Variants in ATP2C2 observed in about 807,000 individuals in gnomAD.
ATP2C2 encodes ATPase secretory pathway Ca2+ transporting 2.
In ATP2C2, 171 loss-of-function variants were observed where a neutral mutation model predicts 110.8. That is an observed-to-expected ratio of 1.54 (90% CI 1.36 to 1.75). The LOEUF (loss-of-function observed/expected upper bound fraction) is 1.75, where lower values mean the gene tolerates loss of function less well. Ranked by LOEUF, ATP2C2 falls within the 40% of genes most tolerant of loss-of-function variation. The pLI is 0.00. For synonymous variants in ATP2C2, 804 were observed against 508.4 expected, an observed-to-expected ratio of 1.58 and a Z score of -7.82; for missense variants, 1,963 against 1,235.0, an observed-to-expected ratio of 1.59 and a Z score of -8.84.
chr16:84,451,190 G>C (rs550505017), intron 17 of ATP2C2, among the ~76,000 whole-genome samples: 1 of 152,076 alleles, frequency 6.6e-6, no homozygotes, highest in Non-Finnish European at 1.5e-5. Context: ...CAAGCCTAAG[G>C]GGAAACCCCT....
chr16:84,421,018 C>T (rs1907283567), intron 7 of ATP2C2, among the ~76,000 whole-genome samples: 1 of 152,108 alleles, frequency 6.6e-6, no homozygotes, highest in African/African-American at 2.4e-5. Context: ...GTTGGCCAGG[C>T]TGGTCTCGAA....
chr16:84,376,879 C>T lies in ATP2C2; in HGVS notation c.99+8165C>T, dbSNP rs551468181. Among the ~76,000 whole-genome samples the T allele has an allele frequency of 1.1e-4, 16 of 152,336 alleles. No homozygotes were observed. The South Asian group carries it at 3.3e-3, about 32-fold the overall frequency. On this transcript the variant is annotated intron_variant, in intron 1 of 26. Coordinates refer to ENST00000262429, the MANE Select transcript of ATP2C2 (RefSeq NM_014861.4). ...CTGTGCAATTGCACTGGCCTCATGC[C>T]AGTGAGGCTGGCCCTGCTGAAGGGT...
chr16:84,429,156 GT>G (rs1908044578), intron 11 of ATP2C2, among the ~76,000 whole-genome samples: 1 of 151,840 alleles, frequency 6.6e-6, no homozygotes, highest in South Asian at 2.1e-4. Flanking sequence ...TTGTTTGTTT[GT>G]TTGTTTGTTT....
Position 84,368,788 on chromosome 16 carries a change from G to A in ATP2C2, c.99+74G>A, listed in dbSNP as rs1021181817. 3.2e-6 allele frequency: 4 copies of A among 1,258,850 alleles called. No homozygotes were observed. In the African/African-American group the frequency reaches 4.9e-5, roughly 15 times the overall value. The allele number at this position is 1,258,850 out of a possible 1,614,324, so 78.0% of individuals were successfully genotyped here. On this transcript the variant is annotated intron_variant, in intron 1 of 26. Transcript: ENST00000262429. ...CCTCCGTCGTAACCGTCCCCGGCCCGAGACCCCGCGTTCGCGCTGCGATCC... is the reference window on the plus strand; with the variant it reads ...CCTCCGTCGTAACCGTCCCCGGCCCAAGACCCCGCGTTCGCGCTGCGATCC...
chr16:84,405,386 A>G, intron 3 of ATP2C2, 142 bp downstream of exon 3: 1 of 695,804 alleles, frequency 1.4e-6, no homozygotes, highest in Non-Finnish European at 2.4e-6. Context: ...CCTGAGCATC[A>G]GTCATGAGCA....
chr16:84,426,948 G>C (rs867166250), intron 11 of ATP2C2, among the ~76,000 whole-genome samples: 1 of 152,162 alleles, frequency 6.6e-6, no homozygotes, highest in Non-Finnish European at 1.5e-5. Flanking sequence ...TCGTGCAGCG[G>C]TTTGACTTTG....
At chr16:84,373,073 T>A (rs375105782) in intron 1 of ATP2C2, among the ~76,000 whole-genome samples, 1 of 142,076 alleles carries the variant, frequency 7.0e-6, no homozygotes, top group Non-Finnish European at 1.5e-5. Context: ...AGAGCTGAGA[T>A]CACGAAACTG....
intron 21 of ATP2C2, among the ~76,000 whole-genome samples, chr16:84,458,809 C>T (rs1184985984): frequency 6.6e-6 from 1 of 152,224 alleles, no homozygotes; most frequent in African/African-American, 2.4e-5. Flanking sequence ...CTTCGGGAGT[C>T]TGGGCAGGGA....
intron 16 of ATP2C2, among the ~76,000 whole-genome samples, 170 bp from the exon 17 acceptor site, chr16:84,448,363 A>T (rs1188857100): frequency 6.6e-6 from 1 of 152,216 alleles, no homozygotes; most frequent in African/African-American, 2.4e-5. Flanking sequence ...GATGGATTCT[A>T]GAACTTCGCG....
At chr16:84,403,911 G>A (rs1386703685) in intron 2 of ATP2C2, among the ~76,000 whole-genome samples, 1 of 152,074 alleles carries the variant, frequency 6.6e-6, no homozygotes, top group African/African-American at 2.4e-5. Flanking sequence ...GGCTGCTCTC[G>A]AACTCCCGAC....
chr16:84,455,510 C>A (rs922106634), intron 21 of ATP2C2, among the ~76,000 whole-genome samples: 1 of 152,172 alleles, frequency 6.6e-6, no homozygotes, highest in Non-Finnish European at 1.5e-5. Context: ...GGGGCTTGCA[C>A]AAAACTATTT....
At chr16:84,449,908 G>A (rs1011887548) in intron 17 of ATP2C2, among the ~76,000 whole-genome samples, 13 of 152,252 alleles carry the variant, frequency 8.5e-5, no homozygotes, top group African/African-American at 2.4e-4. Context: ...CCTGGCACTT[G>A]GGCCCCACTT....
rs551857075 is a variant in ATP2C2, at chr16:84,403,733, CA to C, written c.211-1394del. On this transcript the variant is annotated intron_variant, in intron 2 of 26. Coordinates refer to ENST00000262429, the MANE Select transcript of ATP2C2 (RefSeq NM_014861.4). ...GAGATGGAGTTTCCTTCTTGTTGCCCAGGCTGGAGTGCAATGGCGCGATCTC... is the reference window on the plus strand; with the variant it reads ...GAGATGGAGTTTCCTTCTTGTTGCCCGGCTGGAGTGCAATGGCGCGATCTC... Among the ~76,000 whole-genome samples the C allele has an allele frequency of 1.3e-3, 195 of 152,106 alleles. 1 individual carries two copies. Among genetic ancestry groups the C allele is most frequent in the Admixed American group, 2.3e-3 (35 of 15,276 alleles).
At position 84,439,210 on chromosome 16, in the gene ATP2C2, T is replaced by C. The variant is rs1422989000; in HGVS notation, c.1031T>C (p.Met344Thr). Residue 344 changes from methionine (M) to threonine (T), a missense_variant, in exon 12 of 27, where the codon ATG becomes ACG. Transcript: ENST00000262429. Reference sequence around the variant, plus strand: ...CCAGAGGGTCTGCCCATCGTCGTCATGGTGACGCTGGTCCTGGGAGTGCTG... The same window carrying C: ...CCAGAGGGTCTGCCCATCGTCGTCACGGTGACGCTGGTCCTGGGAGTGCTG... ...AIPEGLPIVV[M>T]VTLVLGVLRM... 1.2e-6 allele frequency: 2 copies of C among 1,612,212 alleles called. No individual in the cohort carries two copies. Among genetic ancestry groups the C allele is most frequent in the East Asian group, 2.2e-5 (1 of 44,874 alleles).
chr16:84,452,228 T>A, intron 18 of ATP2C2, 137 bp downstream of exon 18: 1 of 1,059,634 alleles, frequency 9.4e-7, no homozygotes, highest in Non-Finnish European at 1.3e-6. Flanking sequence ...GAAAAGACGC[T>A]GAGTATTCGT....
rs1270520841 is a variant in ATP2C2, at chr16:84,405,137, C to T, written c.220C>T (p.His74Tyr). The T allele has an allele frequency of 1.2e-6, 2 of 1,613,714 alleles. No homozygotes were observed. The highest frequency in any genetic ancestry group is 1.7e-6 in the Non-Finnish European group (2 of 1,179,960). The change falls in exon 3 of 27, where the codon CAC (histidine) becomes TAC (tyrosine). Residue 74 changes from histidine (H) to tyrosine (Y), a missense_variant. His to Tyr is a moderately conservative substitution (Grantham distance 83). Coordinates refer to ENST00000262429, the MANE Select transcript of ATP2C2 (RefSeq NM_014861.4). ...DLARAFCVDL[H>Y]TGLSEFSVTQ... The stretch of plus-strand genomic sequence containing the variant: ...TGACCTCTCCTTCCAGGTGGACTTA[C>T]ACACTGGGCTGTCGGAGTTCTCGGT...
At chr16:84,443,554 C>G (rs1909465211) in intron 15 of ATP2C2, among the ~76,000 whole-genome samples, 1 of 152,222 alleles carries the variant, frequency 6.6e-6, no homozygotes, top group African/African-American at 2.4e-5. Flanking sequence ...TCCTCCTGGA[C>G]TTTGACCACT....
At chr16:84,448,039 T>C (rs1909921100) in intron 16 of ATP2C2, among the ~76,000 whole-genome samples, 1 of 152,080 alleles carries the variant, frequency 6.6e-6, no homozygotes, top group Non-Finnish European at 1.5e-5. Context: ...ATAGTCTACA[T>C]GTTTGTCATG....
Position 84,415,594 on chromosome 16 carries a change from G to C in ATP2C2, c.624+3G>C, listed in dbSNP as rs779067996. 7.4e-6 allele frequency: 12 copies of C among 1,611,206 alleles called. No individual in the cohort carries two copies. The highest frequency in any genetic ancestry group is 1.0e-5 in the Non-Finnish European group (12 of 1,178,324). ...CTGCAGACATCCGACTCACTGAGGT[G>C]AGTGGTTCCAAACCCTTGTCAATGG... is the stretch of plus-strand genomic sequence containing the variant. On this transcript the variant is annotated splice_donor_region_variant and intron_variant, in intron 7 of 26. Coordinates refer to ENST00000262429, the MANE Select transcript of ATP2C2 (RefSeq NM_014861.4).
Sources: gnomAD v4.1 joint callset for allele counts (sites outside exome capture counted in the v4.1 genomes callset) on GRCh38, gnomAD v4.1.1 for gene constraint, MANE v1.5 for transcripts, NCBI Gene and HGNC (gene_info 2026-07-23, HGNC 2026-07-21) for gene names.